Variants in PRSS23 observed in about 807,000 individuals in gnomAD.
PRSS23 encodes protease, serine 23.
A neutral mutation model predicts 34.7 loss-of-function variants in PRSS23; 25 were observed. The observed-to-expected ratio is 0.72, with a 90% CI of 0.53 to 1.01. PRSS23 has a LOEUF of 1.01. Ranked by LOEUF, PRSS23 falls within the 50% of genes least tolerant of loss-of-function variation. PRSS23 has a pLI of 0.00. For missense variants in PRSS23, 445 were observed against 475.6 expected (o/e 0.94, Z 0.60); for synonymous variants, 176 against 186.6 (o/e 0.94, Z 0.46).
intron 2 of PRSS23, chr11:86,948,199 T>C (rs1474285996): frequency 6.6e-6 from 1 of 152,122 alleles, no homozygotes; most frequent in Non-Finnish European, 1.5e-5. Flanking sequence ...CTGGGTGTGG[T>C]GGCTCACACA....
At chr11:86,942,530 C>T (rs1949213612) in intron 2 of PRSS23, among the ~76,000 whole-genome samples, 1 of 152,140 alleles carries the variant, frequency 6.6e-6, no homozygotes, top group African/African-American at 2.4e-5. Context: ...AGATTAAGCA[C>T]GTTCTTGAGT....
intron 2 of PRSS23, among the ~76,000 whole-genome samples, chr11:86,874,394 G>A (rs775595108): frequency 6.6e-6 from 1 of 152,182 alleles, no homozygotes; most frequent in Non-Finnish European, 1.5e-5. Context: ...CCCAAATATT[G>A]CATGGGCATC....
At chr11:86,812,940 A>G (rs889179055), downstream of PRSS23, among the ~76,000 whole-genome samples, 2 of 152,066 alleles carry the variant, frequency 1.3e-5, no homozygotes, top group Non-Finnish European at 2.9e-5. Context: ...ATAAATCCCA[A>G]TGCATTGTGG....
chr11:86,949,494 GA>G (rs762117507), intron 2 of PRSS23: 52 of 151,910 alleles, frequency 3.4e-4, no homozygotes, highest in Non-Finnish European at 5.6e-4. Flanking sequence ...AGCAGTTGCT[GA>G]AGCAGACAGG....
intron 2 of PRSS23, among the ~76,000 whole-genome samples, chr11:86,881,414 T>C (rs1438844504): frequency 6.6e-6 from 1 of 152,130 alleles, no homozygotes; most frequent in Non-Finnish European, 1.5e-5. Flanking sequence ...AATTTGCATA[T>C]ATTGAAACAA....
chr11:86,863,390 C>G (rs955288766), intron 2 of PRSS23, among the ~76,000 whole-genome samples: 2 of 146,868 alleles, frequency 1.4e-5, no homozygotes, highest in African/African-American at 5.0e-5. Context: ...TTTAAACATT[C>G]TAGTCCCTTC....
chr11:86,918,738 C>A (rs1292511276), intron 2 of PRSS23, among the ~76,000 whole-genome samples: 1 of 152,222 alleles, frequency 6.6e-6, no homozygotes, highest in Non-Finnish European at 1.5e-5. Flanking sequence ...ATGTATACAG[C>A]ATTATGCTAA....
chr11:86,801,228 A>G (rs1303525611), intron 1 of PRSS23, among the ~76,000 whole-genome samples: 1 of 152,200 alleles, frequency 6.6e-6, no homozygotes, highest in Non-Finnish European at 1.5e-5. Context: ...CCTAGACACT[A>G]CAGTCTGAAC....
intron 2 of PRSS23, among the ~76,000 whole-genome samples, chr11:86,833,682 A>T (rs1948379257): frequency 6.6e-6 from 1 of 152,030 alleles, no homozygotes; most frequent in South Asian, 2.1e-4. Flanking sequence ...CATTTTAGTA[A>T]GCTCTCTTAT....
upstream of PRSS23, chr11:86,800,411 G>A (rs1274441391): frequency 1.4e-5 from 14 of 973,674 alleles, no homozygotes; most frequent in Non-Finnish European, 1.3e-5. Flanking sequence ...GAGGGGAGGG[G>A]GGCACGGTTT....
At chr11:86,884,390 C>T (rs990465626) in intron 2 of PRSS23, among the ~76,000 whole-genome samples, 4 of 152,164 alleles carry the variant, frequency 2.6e-5, no homozygotes, top group Non-Finnish European at 1.5e-5. Context: ...ACCTCCACCT[C>T]CTGGGTTCAA....
chr11:86,930,819 G>T (rs2226756), intron 2 of PRSS23, among the ~76,000 whole-genome samples: 1 of 149,820 alleles, frequency 6.7e-6, no homozygotes, highest in African/African-American at 2.5e-5. Flanking sequence ...CGGCTGACCA[G>T]AAAAAGGGAC....
chr11:86,823,403 C>T, exon 2 of PRSS23: 1 of 702,308 alleles, frequency 1.4e-6, no homozygotes, highest in East Asian at 2.7e-5. Context: ...TAGAATGAGA[C>T]CTGTGTGCCA....
chr11:86,879,359 A>G (rs1362846459), intron 2 of PRSS23, among the ~76,000 whole-genome samples: 35 of 113,684 alleles, frequency 3.1e-4, no homozygotes, highest in African/African-American at 1.2e-3. Context: ...ACCGCCCCAT[A>G]TGAGAAGTGA....
chr11:86,832,023 C>T (rs896015566), intron 2 of PRSS23, among the ~76,000 whole-genome samples: 1 of 151,470 alleles, frequency 6.6e-6, no homozygotes, highest in African/African-American at 2.4e-5. Flanking sequence ...CGTGATATTA[C>T]TCATAATATC....
At chr11:86,944,419 CA>C (rs1470860044) in intron 2 of PRSS23, among the ~76,000 whole-genome samples, 1 of 152,088 alleles carries the variant, frequency 6.6e-6, no homozygotes, top group Non-Finnish European at 1.5e-5. Context: ...ATGCAACCCA[CA>C]GGAGTATAAA....
chr11:86,872,738 C>T (rs1270436754), intron 2 of PRSS23, among the ~76,000 whole-genome samples: 3 of 152,094 alleles, frequency 2.0e-5, no homozygotes, highest in Non-Finnish European at 4.4e-5. Flanking sequence ...CTACTTAATA[C>T]TGAACAACCC....
Position 86,865,998 on chromosome 11 carries a change from G to A in PRSS23, c.206+42405G>A, listed in dbSNP as rs182650190. Among the ~76,000 whole-genome samples, 418 of 152,306 alleles carry A rather than the reference G, an allele frequency of 2.7e-3. 3 individuals are homozygous for A. The highest frequency in any genetic ancestry group is 7.3e-3 in the African/African-American group (304 of 41,540). ...ATTTTACAGATGGGGATGTCTGGGA[G>A]TCACGCTTCATATTGCTGGAACAAG... On this transcript the variant is annotated intron_variant, in intron 2 of 2. Coordinates refer to the PRSS23 transcript ENST00000533902.
At chr11:86,931,461 A>G (rs1949125340) in intron 2 of PRSS23, among the ~76,000 whole-genome samples, 1 of 152,226 alleles carries the variant, frequency 6.6e-6, no homozygotes, top group African/African-American at 2.4e-5. Flanking sequence ...TCTTAAATCC[A>G]TGAAAAAAAA....
Sources: gnomAD v4.1 joint callset for allele counts (sites outside exome capture counted in the v4.1 genomes callset) on GRCh38, gnomAD v4.1.1 for gene constraint, MANE v1.5 for transcripts, NCBI Gene and HGNC (gene_info 2026-07-23, HGNC 2026-07-21) for gene names.